Variants in MVB12B observed in about 807,000 individuals in gnomAD.
The protein encoded by MVB12B is ESCRT-I complex subunit MVB12B.
MVB12B carries 16 observed loss-of-function variants against 41.6 expected under a neutral mutation model. The observed-to-expected ratio is 0.38, with a 90% CI of 0.26 to 0.58. The LOEUF (loss-of-function observed/expected upper bound fraction) is 0.58. Among genes scored for constraint, MVB12B ranks in the 20% least tolerant of loss-of-function variants. The pLI is 0.62. For missense variants in MVB12B, 274 were observed against 380.2 expected (o/e 0.72, Z 2.32); for synonymous variants, 133 against 139.7 (o/e 0.95, Z 0.34).
At chr9:126,484,548 T>C in intron 9 of MVB12B, among the ~76,000 whole-genome samples, 1 of 53,416 alleles carries the variant, frequency 1.9e-5, no homozygotes, top group Non-Finnish European at 4.3e-5. Context: ...CTTCATGAGG[T>C]CAGGGTACCT....
rs1411440178 is a variant in MVB12B at position 126,459,650 on chromosome 9, T to C, written c.758-21719T>C. Reference sequence around the variant, plus strand: ...GCACGCAGCCCAGGTGACTGTGGCATGCCTGCGGGTTTGAGAGTTTTGGAG... The same window carrying C: ...GCACGCAGCCCAGGTGACTGTGGCACGCCTGCGGGTTTGAGAGTTTTGGAG... On this transcript the variant is annotated intron_variant, in intron 7 of 9. Transcript: ENST00000361171. The surrounding 1 kb of genome is among the most constrained non-coding windows in gnomAD (Gnocchi z 4.3). 2.0e-5 allele frequency among the ~76,000 whole-genome samples: 3 copies of C among 152,196 alleles called. No individual in the cohort carries two copies. The East Asian group carries it at 5.8e-4, about 29-fold the overall frequency.
chr9:126,379,638 T>C (rs1564298827), intron 2 of MVB12B, among the ~76,000 whole-genome samples: 1 of 152,226 alleles, frequency 6.6e-6, no homozygotes, highest in African/African-American at 2.4e-5. Flanking sequence ...TCTTTTCCTG[T>C]TGTTATATTT....
chr9:126,425,719 C>T (rs1439876903), intron 7 of MVB12B, among the ~76,000 whole-genome samples: 1 of 152,252 alleles, frequency 6.6e-6, no homozygotes. Context: ...TGCTGGCCCT[C>T]TGGATGTGGA....
At chr9:126,476,104 C>T (rs1186552891) in intron 7 of MVB12B, among the ~76,000 whole-genome samples, 2 of 100,150 alleles carry the variant, frequency 2.0e-5, no homozygotes, top group East Asian at 4.1e-4. Context: ...TGAGGGCCCC[C>T]CTTGCTGCTG....
At chr9:126,479,953 C>T (rs548857962) in intron 7 of MVB12B, among the ~76,000 whole-genome samples, 1 of 152,282 alleles carries the variant, frequency 6.6e-6, no homozygotes, top group East Asian at 1.9e-4. Context: ...TTTCCTCTTG[C>T]TTTGCTGCTT....
chr9:126,465,096 G>A (rs1833171313), intron 7 of MVB12B, among the ~76,000 whole-genome samples: 1 of 152,192 alleles, frequency 6.6e-6, no homozygotes, highest in Non-Finnish European at 1.5e-5. Context: ...AAGACTTTAT[G>A]AGTAGAATCT....
chr9:126,420,561 CTTTTTTTTTTTTTTTTT>C (rs567217742), intron 6 of MVB12B, among the ~76,000 whole-genome samples: 1,359 of 98,934 alleles, frequency 0.014, 46 homozygotes, highest in East Asian at 0.064. Context: ...TCCCAGGAGT[CTTTTTTTTTTTTTTTTT>C]TTTTTTTTTT....
At position 126,392,345 on chromosome 9, in the gene MVB12B, T is replaced by G. The variant is rs1050287638; in HGVS notation, c.539+150T>G. 6 of 910,286 alleles carry G rather than the reference T, an allele frequency of 6.6e-6. No individual in the cohort carries two copies. Among genetic ancestry groups the G allele is most frequent in the Non-Finnish European group, 1.0e-5 (6 of 600,800 alleles). The allele number at this position is 910,286 out of a possible 1,614,324, so 56.4% of individuals were successfully genotyped here. On this transcript the variant is annotated intron_variant, in intron 5 of 9. Transcript: ENST00000361171. The surrounding 1 kb of genome is among the most constrained non-coding windows in gnomAD (Gnocchi z 4.8). Reference sequence around the variant, plus strand: ...GCCCAGTGCTCCTCGCTGCCCTTCCTGCTCAGCTGCGGTCTCTCTGAGCCT... The same window carrying G: ...GCCCAGTGCTCCTCGCTGCCCTTCCGGCTCAGCTGCGGTCTCTCTGAGCCT...
intron 7 of MVB12B, among the ~76,000 whole-genome samples, chr9:126,433,792 T>C (rs887658): frequency 0.89 from 134,915 of 152,168 alleles, 59,913 homozygotes; most frequent in East Asian, 1. Context: ...TCATTCCCAG[T>C]CCCAGCTTCC....
At chr9:126,327,379 G>C (rs1829011553) in intron 1 of MVB12B, 1 of 964,776 alleles carries the variant, frequency 1.0e-6, no homozygotes. Context: ...TCAATCGTTT[G>C]ACCGGCCTGG....
At chr9:126,426,355 G>A (rs1334362062) in intron 7 of MVB12B, among the ~76,000 whole-genome samples, 2 of 152,140 alleles carry the variant, frequency 1.3e-5, no homozygotes, top group African/African-American at 4.8e-5. Context: ...TCTTACTGGT[G>A]TGACCCCTGT....
At chr9:126,499,881 G>A (rs2119239573) in intron 9 of MVB12B, among the ~76,000 whole-genome samples, 2 of 148,530 alleles carry the variant, frequency 1.3e-5, no homozygotes, top group South Asian at 4.3e-4. Flanking sequence ...CGGGCCGGGA[G>A]AGAGGAGCTC....
intron 7 of MVB12B, among the ~76,000 whole-genome samples, chr9:126,432,052 G>T (rs1423401602): frequency 6.6e-6 from 1 of 152,142 alleles, no homozygotes; most frequent in African/African-American, 2.4e-5. Context: ...CAGCAAATGT[G>T]CATTTACTGC....
At chr9:126,472,836 T>C (rs893075625) in intron 7 of MVB12B, among the ~76,000 whole-genome samples, 3 of 152,202 alleles carry the variant, frequency 2.0e-5, no homozygotes, top group African/African-American at 4.8e-5. Context: ...ATTACAGCTC[T>C]GTTGAAGCTC....
intron 7 of MVB12B, among the ~76,000 whole-genome samples, chr9:126,446,034 A>G (rs1832757793): frequency 6.6e-6 from 1 of 152,178 alleles, no homozygotes; most frequent in Admixed American, 6.5e-5. Flanking sequence ...CCTGACTTTA[A>G]TGGGAATGCT....
At chr9:126,403,390 C>T (rs1831322843) in intron 6 of MVB12B, among the ~76,000 whole-genome samples, 1 of 152,202 alleles carries the variant, frequency 6.6e-6, no homozygotes, top group South Asian at 2.1e-4. Flanking sequence ...GCCAGCCCCA[C>T]CCCAGGCCTA....
chr9:126,464,918 C>T lies in MVB12B; in HGVS notation c.758-16451C>T, dbSNP rs1332845322. On this transcript the variant is annotated intron_variant, in intron 7 of 9. Transcript: ENST00000361171. ...CCATTGTGAGGTTTATACGAGAACA[C>T]CTGTTACTCCCGGCGTGCTTTGCTT... is the stretch of plus-strand genomic sequence containing the variant. Among the ~76,000 whole-genome samples, 9 of 152,338 alleles carry T rather than the reference C, an allele frequency of 5.9e-5. No individual in the cohort carries two copies. The East Asian group carries it at 1.2e-3, about 20-fold the overall frequency.
intron 6 of MVB12B, among the ~76,000 whole-genome samples, chr9:126,401,682 C>T (rs897134015): frequency 6.6e-6 from 1 of 152,258 alleles, no homozygotes; most frequent in Non-Finnish European, 1.5e-5. Flanking sequence ...GAATTCAGGC[C>T]GTGCTGCCCA....
At position 126,459,512 on chromosome 9, in the gene MVB12B, AC is replaced by A. The variant is rs1291985007; in HGVS notation, c.758-21853del. Among the ~76,000 whole-genome samples, 1 of 152,092 alleles carries A rather than the reference AC, an allele frequency of 6.6e-6. No homozygotes were observed. Among genetic ancestry groups the A allele is most frequent in the Non-Finnish European group, 1.5e-5 (1 of 68,022 alleles). On this transcript the variant is annotated intron_variant, in intron 7 of 9. Coordinates refer to ENST00000361171, the MANE Select transcript of MVB12B (RefSeq NM_033446.3). This position sits in a 1 kb window ranked among gnomAD's most constrained non-coding sequence, Gnocchi z 4.3. The stretch of plus-strand genomic sequence containing the variant: ...GTGCCTGTGAGACCACGAGACCCTC[AC>A]CCCAGCAGCACGCGGGCACGCAGCC...
Sources: allele counts gnomAD v4.1 joint callset (sites outside exome capture counted in the v4.1 genomes callset), GRCh38; gene constraint gnomAD v4.1.1; non-coding constraint Gnocchi (gnomAD v3.1); transcripts MANE v1.5; gene names NCBI Gene and HGNC (gene_info 2026-07-23, HGNC 2026-07-21).